The following CNTNAP2 variants were observed in gnomAD, a reference collection of about 807,000 sequenced individuals.
The protein encoded by CNTNAP2 is contactin associated protein 2, also known as contactin-associated protein-like 2.
A neutral mutation model predicts 155.2 loss-of-function variants in CNTNAP2; 98 were observed. The ratio of observed to expected loss-of-function variants is 0.63; its 90% CI spans 0.54 to 0.75. CNTNAP2 has a LOEUF of 0.75. CNTNAP2 is among the 30% of genes least tolerant of loss of function. CNTNAP2 has a pLI of 0.00. For missense variants in CNTNAP2, 1,727 were observed against 1,688.1 expected (o/e 1.02, Z -0.40); for synonymous variants, 651 against 631.2 (o/e 1.03, Z -0.47).
chr7:148,012,292 C>G (rs1309811817), intron 15 of CNTNAP2, among the ~76,000 whole-genome samples: 2 of 152,182 alleles, frequency 1.3e-5, no homozygotes, highest in African/African-American at 4.8e-5. Flanking sequence ...AAAAAAGACA[C>G]TTGTTAATTT....
intron 16 of CNTNAP2, among the ~76,000 whole-genome samples, chr7:148,133,150 C>T (rs889340410): frequency 1.3e-5 from 2 of 152,024 alleles, no homozygotes; most frequent in African/African-American, 2.4e-5. Flanking sequence ...TAGGTTTCTG[C>T]AGCCATATGA....
At chr7:146,727,417 T>C (rs1801450157) in intron 1 of CNTNAP2, among the ~76,000 whole-genome samples, 1 of 152,194 alleles carries the variant, frequency 6.6e-6, no homozygotes, top group East Asian at 1.9e-4. Context: ...AATGATGCTT[T>C]AGATCCCAGG....
At chr7:147,951,704 A>G (rs1255820272) in intron 14 of CNTNAP2, among the ~76,000 whole-genome samples, 1 of 151,916 alleles carries the variant, frequency 6.6e-6, no homozygotes, top group Non-Finnish European at 1.5e-5. Context: ...TTAAAAATAA[A>G]TTTTATTGAA....
chr7:147,170,999 A>G (rs942437628), intron 8 of CNTNAP2, among the ~76,000 whole-genome samples: 2 of 152,158 alleles, frequency 1.3e-5, no homozygotes, highest in Middle Eastern at 3.2e-3. Flanking sequence ...GGGCTCTGTC[A>G]GATCTGTTCC....
chr7:147,373,944 A>G (rs1016496441), intron 9 of CNTNAP2, among the ~76,000 whole-genome samples: 2 of 152,028 alleles, frequency 1.3e-5, no homozygotes, highest in Non-Finnish European at 2.9e-5. Flanking sequence ...GACTTGTTAC[A>G]GATAAATTTA....
At chr7:147,201,839 A>G (rs1802928216) in intron 8 of CNTNAP2, among the ~76,000 whole-genome samples, 1 of 152,114 alleles carries the variant, frequency 6.6e-6, no homozygotes. Flanking sequence ...TTAGAGATAG[A>G]GGGAGAAATA....
chr7:146,800,299 G>C (rs1355653218), intron 2 of CNTNAP2, among the ~76,000 whole-genome samples: 4 of 152,038 alleles, frequency 2.6e-5, no homozygotes, highest in Admixed American at 6.6e-5. Context: ...CCTCAGTGAA[G>C]CCAGCACTGC....
At chr7:148,158,222 C>CTTTTTTTTTTTGTTTTTTTTTTTTTTTT (rs1805441641) in intron 17 of CNTNAP2, among the ~76,000 whole-genome samples, 1 of 94,800 alleles carries the variant, frequency 1.1e-5, no homozygotes, top group African/African-American at 5.0e-5. Context: ...AATGTTTGCG[C>CTTTTTTTTTTTGTTTTTTTTTTTTTTTT]TTTTTTTTTT....
chr7:147,033,971 C>T (rs1413517268), intron 3 of CNTNAP2, among the ~76,000 whole-genome samples: 1 of 152,082 alleles, frequency 6.6e-6, no homozygotes, highest in African/African-American at 2.4e-5. Flanking sequence ...ACGGCTGCTC[C>T]ATAGACAGAG....
chr7:146,467,951 TA>T (rs1276820519), intron 1 of CNTNAP2, among the ~76,000 whole-genome samples: 1 of 152,154 alleles, frequency 6.6e-6, no homozygotes, highest in Non-Finnish European at 1.5e-5. Flanking sequence ...GCATCTTATT[TA>T]TTTTGGGAAA....
rs532872668 is a variant in CNTNAP2, at chr7:147,364,615, C to T, written c.1499-30994C>T. ...TTAAGTTCTGTTGGTTAAAAATATT[C>T]CTAACCAGCGGATCACAAGGTCAGG... On this transcript the variant is annotated intron_variant, in intron 9 of 23. Coordinates refer to ENST00000361727, the MANE Select transcript of CNTNAP2 (RefSeq NM_014141.6). 2.0e-5 allele frequency among the ~76,000 whole-genome samples: 3 copies of T among 152,252 alleles called. No individual in the cohort carries two copies. The South Asian group carries it at 6.2e-4, about 32-fold the overall frequency.
At chr7:146,743,528 G>C (rs935218308) in intron 1 of CNTNAP2, among the ~76,000 whole-genome samples, 1 of 151,568 alleles carries the variant, frequency 6.6e-6, no homozygotes. Flanking sequence ...TTTTTTGGAA[G>C]CTCTAGAGTA....
chr7:148,319,558 C>T lies in CNTNAP2; in HGVS notation c.3475+52432C>T, dbSNP rs116372094. 2.0e-3 allele frequency among the ~76,000 whole-genome samples: 301 copies of T among 152,174 alleles called. 1 individual carries two copies. Among genetic ancestry groups the T allele is most frequent in the African/African-American group, 6.9e-3 (287 of 41,526 alleles). ...CACAGCAGGAGGTGAATGGCAGACACGCAATTGAAGCTTCATATGTGTTTA... is the reference window on the plus strand; with the variant it reads ...CACAGCAGGAGGTGAATGGCAGACATGCAATTGAAGCTTCATATGTGTTTA... On this transcript the variant is annotated intron_variant, in intron 21 of 23. Transcript: ENST00000361727.
chr7:147,337,019 T>C (rs1021794304), intron 9 of CNTNAP2, among the ~76,000 whole-genome samples: 13 of 152,122 alleles, frequency 8.5e-5, no homozygotes, highest in African/African-American at 3.1e-4. Context: ...CTGCAGGAGA[T>C]AGGGAAGATT....
At chr7:146,920,571 TAGA>T (rs1351617141) in intron 3 of CNTNAP2, among the ~76,000 whole-genome samples, 2 of 152,190 alleles carry the variant, frequency 1.3e-5, no homozygotes, top group Non-Finnish European at 2.9e-5. Context: ...AAGTGATTTC[TAGA>T]AGATGTTTGG....
chr7:148,130,404 C>A (rs1477755422), intron 16 of CNTNAP2, among the ~76,000 whole-genome samples: 2 of 152,128 alleles, frequency 1.3e-5, no homozygotes, highest in East Asian at 3.8e-4. Flanking sequence ...GATGGCTTTG[C>A]TAGTTGAAAT....
intron 15 of CNTNAP2, among the ~76,000 whole-genome samples, chr7:148,050,925 T>A (rs1366346605): frequency 6.6e-6 from 1 of 152,198 alleles, no homozygotes. Flanking sequence ...ATAGCCTAGG[T>A]ATGTAGTAGG....
intron 14 of CNTNAP2, among the ~76,000 whole-genome samples, chr7:147,913,495 C>A (rs190570088): frequency 1.3e-5 from 2 of 152,166 alleles, no homozygotes; most frequent in East Asian, 3.9e-4. Flanking sequence ...GTTTTTACAG[C>A]TTCAGATTTT....
intron 16 of CNTNAP2, among the ~76,000 whole-genome samples, chr7:148,132,416 A>G (rs1282570263): frequency 6.7e-6 from 1 of 149,676 alleles, no homozygotes; most frequent in Admixed American, 6.6e-5. Flanking sequence ...GGTACTTCTC[A>G]ATTTTTAAGG....
Sources: gnomAD v4.1 joint callset for allele counts (sites outside exome capture counted in the v4.1 genomes callset) on GRCh38, gnomAD v4.1.1 for gene constraint, MANE v1.5 for transcripts, NCBI Gene and HGNC (gene_info 2026-07-23, HGNC 2026-07-21) for gene names.